The following SOX5 variants were observed in gnomAD, a reference collection of about 807,000 sequenced individuals.
SOX5 encodes the protein transcription factor SOX-5.
A neutral mutation model predicts 92.0 loss-of-function variants in SOX5; 9 were observed. The observed-to-expected ratio is 0.10, with a 90% CI of 0.06 to 0.17. The LOEUF (loss-of-function observed/expected upper bound fraction) is 0.17. SOX5 is among the 10% of genes least tolerant of loss of function. The pLI is 1.00. For missense variants in SOX5, 642 were observed against 944.5 expected, an observed-to-expected ratio of 0.68 and a Z score of 4.20; for synonymous variants, 344 against 336.3, an observed-to-expected ratio of 1.02 and a Z score of -0.25.
At chr12:23,778,752 T>G (rs1272400258) in intron 3 of SOX5, among the ~76,000 whole-genome samples, 1 of 152,162 alleles carries the variant, frequency 6.6e-6, no homozygotes, top group African/African-American at 2.4e-5. Flanking sequence ...GAGCTCTGGA[T>G]ACTTGAAGAG....
At chr12:24,081,810 T>C (rs549088839) in intron 4 of SOX5, among the ~76,000 whole-genome samples, 1 of 152,034 alleles carries the variant, frequency 6.6e-6, no homozygotes, top group South Asian at 2.1e-4. Context: ...CAATAGCCAT[T>C]CAAACGTTCT....
intron 4 of SOX5, among the ~76,000 whole-genome samples, chr12:24,158,037 G>C (rs1022840652): frequency 1.3e-5 from 2 of 151,998 alleles, no homozygotes; most frequent in Admixed American, 6.6e-5. Context: ...ACTCAGGTTA[G>C]AGGTGAACTA....
chr12:23,666,513 A>T (rs963130216), intron 6 of SOX5, among the ~76,000 whole-genome samples: 1 of 152,224 alleles, frequency 6.6e-6, no homozygotes, highest in Non-Finnish European at 1.5e-5. Context: ...CTTTTTTTGA[A>T]CAAATATTTA....
intron 4 of SOX5, among the ~76,000 whole-genome samples, chr12:24,187,452 A>C (rs2139361983): frequency 6.6e-6 from 1 of 152,348 alleles, no homozygotes; most frequent in South Asian, 2.1e-4. Flanking sequence ...AAAGAAAAGC[A>C]TCAATTTGAA....
intron 4 of SOX5, among the ~76,000 whole-genome samples, chr12:24,056,324 T>G (rs1958098409): frequency 6.6e-6 from 1 of 152,202 alleles, no homozygotes; most frequent in South Asian, 2.1e-4. Flanking sequence ...CATGAAATGC[T>G]AACTCCTGAT....
At chr12:23,971,921 C>T (rs1035607260) in intron 4 of SOX5, among the ~76,000 whole-genome samples, 17 of 151,724 alleles carry the variant, frequency 1.1e-4, no homozygotes, top group Admixed American at 2.6e-4. Context: ...ATTTTATTGA[C>T]GAAAACACTG....
chr12:24,510,221 C>A (rs1219748171), intron 1 of SOX5, among the ~76,000 whole-genome samples: 1 of 152,166 alleles, frequency 6.6e-6, no homozygotes, highest in Non-Finnish European at 1.5e-5. Flanking sequence ...AATCAACACA[C>A]AGGTGAACAC....
intron 4 of SOX5, among the ~76,000 whole-genome samples, chr12:24,044,932 T>C (rs1163982370): frequency 6.6e-6 from 1 of 152,230 alleles, no homozygotes; most frequent in Non-Finnish European, 1.5e-5. Flanking sequence ...AAATGTAGCA[T>C]GTTCTAACTG....
intron 4 of SOX5, among the ~76,000 whole-genome samples, chr12:24,165,728 G>C (rs1953322475): frequency 1.3e-5 from 2 of 152,108 alleles, no homozygotes; most frequent in South Asian, 4.1e-4. Flanking sequence ...GAGTTTGGCA[G>C]AGCCAACGGT....
intron 2 of SOX5, among the ~76,000 whole-genome samples, chr12:24,318,026 C>T (rs1949858904): frequency 6.6e-6 from 1 of 152,048 alleles, no homozygotes; most frequent in Non-Finnish European, 1.5e-5. Context: ...GCCTGTTCAA[C>T]ATGGTGAAAC....
At chr12:24,159,373 A>T (rs1210513316) in intron 4 of SOX5, among the ~76,000 whole-genome samples, 1 of 151,994 alleles carries the variant, frequency 6.6e-6, no homozygotes, top group Non-Finnish European at 1.5e-5. Context: ...TTAAATAAAA[A>T]ATTGCTGAAA....
chr12:23,608,578 C>T (rs956306530), intron 8 of SOX5, among the ~76,000 whole-genome samples: 1 of 152,140 alleles, frequency 6.6e-6, no homozygotes, highest in Non-Finnish European at 1.5e-5. Context: ...ATGCTTTCTA[C>T]TTCTAGTGGA....
At chr12:23,715,821 A>AAC (rs1555285736) in intron 6 of SOX5, among the ~76,000 whole-genome samples, 20 of 143,054 alleles carry the variant, frequency 1.4e-4, no homozygotes, top group African/African-American at 5.3e-4. Context: ...AAAAAAAAAA[A>AAC]AAAAAAAAAA....
intron 3 of SOX5, among the ~76,000 whole-genome samples, chr12:23,791,136 G>T (rs939549818): frequency 1.3e-5 from 2 of 152,156 alleles, no homozygotes; most frequent in African/African-American, 4.8e-5. Context: ...TCTTAAGAAT[G>T]GTTATTACCA....
At chr12:23,632,550 G>A (rs1195082942) in intron 8 of SOX5, among the ~76,000 whole-genome samples, 1 of 152,044 alleles carries the variant, frequency 6.6e-6, no homozygotes, top group Non-Finnish European at 1.5e-5. Context: ...GCCATGCTCA[G>A]TCACTCACAG....
chr12:23,563,452 A>G (rs762131090), intron 10 of SOX5, 49 bp from the exon 11 acceptor site: 1 of 1,562,494 alleles, frequency 6.4e-7, no homozygotes, highest in African/African-American at 1.4e-5. Context: ...AAGCATGTCT[A>G]GGCTAGCGTT....
chr12:24,394,304 C>G (rs1959283373), intron 1 of SOX5, among the ~76,000 whole-genome samples: 1 of 152,140 alleles, frequency 6.6e-6, no homozygotes, highest in Non-Finnish European at 1.5e-5. Context: ...AGAAACAGCA[C>G]AGAGAGGTGC....
In SOX5 at chr12:24,044,606, C is replaced by T. The variant is rs138562186; in HGVS notation, c.-1-148582G>A. ...AAATATTAGATTCAAAATGTTAAGT[C>T]GTATTTTATCCTATTGAGTTAAAAA... On this transcript the variant is annotated intron_variant, in intron 4 of 4. Coordinates refer to the SOX5 transcript ENST00000446891. Among the ~76,000 whole-genome samples the T allele has an allele frequency of 6.6e-5, 10 of 152,212 alleles. No individual in the cohort carries two copies. The East Asian group carries it at 1.5e-3, about 24-fold the overall frequency.
intron 3 of SOX5, among the ~76,000 whole-genome samples, chr12:23,784,087 A>G (rs2095333451): frequency 6.6e-6 from 1 of 152,230 alleles, no homozygotes; most frequent in Non-Finnish European, 1.5e-5. Context: ...CAAATTGAGT[A>G]TATTTAATGC....
Sources: gnomAD v4.1 joint callset for allele counts (sites outside exome capture counted in the v4.1 genomes callset) on GRCh38, gnomAD v4.1.1 for gene constraint, MANE v1.5 for transcripts, NCBI Gene and HGNC (gene_info 2026-07-23, HGNC 2026-07-21) for gene names.